Variants in NAGA observed in about 807,000 individuals in gnomAD.
NAGA encodes Acetylgalactosaminidase, alpha-N- (alpha-galactosidase B).
NAGA carries 42 observed loss-of-function variants against 45.6 expected under a neutral mutation model. That is an observed-to-expected ratio of 0.92 (90% CI 0.72 to 1.19). The LOEUF is 1.19. Among genes scored for constraint, NAGA ranks in the 50% most tolerant of loss-of-function variants. The pLI is 0.00. For synonymous variants in NAGA, 176 were observed against 203.1 expected, an observed-to-expected ratio of 0.87 and a Z score of 1.13; for missense variants, 493 against 544.8, an observed-to-expected ratio of 0.90 and a Z score of 0.95.
At chr22:42,061,212 A>G in intron 7 of NAGA, 145 bp from the exon 8 acceptor site, 1 of 1,016,116 alleles carries the variant, frequency 9.8e-7, no homozygotes, top group Non-Finnish European at 1.5e-6. Context: ...GGCCTCCAGC[A>G]CCCCAGCTTA....
Position 42,060,289 on chromosome 22 carries a change from G to T in NAGA, c.1226C>A (p.Ser409Tyr). ...YLYPIKNLEM[S>Y]QQ ...ACATGTCCCAGCTCCTCACTGCTGG[G>T]ACATCTCCAGGTTCTTGATGGGATA... The change falls in exon 9 of 9, where the codon TCC (serine) becomes TAC (tyrosine). Residue 409 changes from serine to tyrosine, a missense_variant. By Grantham distance (144) the Ser-to-Tyr change is moderately radical. Coordinates refer to ENST00000396398, the MANE Select transcript of NAGA (RefSeq NM_000262.3). 1 of 1,613,510 alleles carries T rather than the reference G, an allele frequency of 6.2e-7. No homozygotes were observed. Among genetic ancestry groups the T allele is most frequent in the Non-Finnish European group, 8.5e-7 (1 of 1,179,982 alleles).
intron 7 of NAGA, among the ~76,000 whole-genome samples, chr22:42,062,238 C>T (rs929044360): frequency 1.3e-5 from 2 of 152,120 alleles, no homozygotes; most frequent in African/African-American, 4.8e-5. Context: ...CTTTGGGAGG[C>T]TGATACGGGT....
At chr22:42,066,261 A>G (rs764108262) in intron 5 of NAGA, among the ~76,000 whole-genome samples, 23 of 152,118 alleles carry the variant, frequency 1.5e-4, no homozygotes, top group Non-Finnish European at 2.6e-4. Flanking sequence ...TCAGCTCCAG[A>G]GGCCTGAGCC....
chr22:42,060,803 C>T lies in NAGA; in HGVS notation c.1101+121G>A, dbSNP rs1926328521. The T allele has an allele frequency of 2.9e-6, 4 of 1,393,766 alleles. No individual in the cohort carries two copies. In the South Asian group the frequency reaches 4.7e-5, roughly 16 times the overall value. 86.3% of individuals were successfully genotyped at this position (1,393,766 alleles called of 1,614,324 possible). Reference sequence around the variant, plus strand: ...CAGTGCCTGCAGCTCCCCATGGGCACCTGCCAGAGGCCCTAAGCCCACGGC... The same window carrying T: ...CAGTGCCTGCAGCTCCCCATGGGCATCTGCCAGAGGCCCTAAGCCCACGGC... On this transcript the variant is annotated intron_variant, in intron 8 of 8. Coordinates refer to ENST00000396398, the MANE Select transcript of NAGA (RefSeq NM_000262.3).
In NAGA at chr22:42,058,563, G is replaced by A. The variant is rs982265912; in HGVS notation, c.*1716C>T. On this transcript the variant is annotated 3_prime_UTR_variant, in exon 9 of 9. Transcript: ENST00000396398. ...AAATGTCCTGGGAGATAGATGGCAT[G>A]TTTGTTGAAAGAATGAAGGGTGAAG... The A allele has an allele frequency of 6.6e-6, 1 of 152,198 alleles. No homozygotes were observed. The highest frequency in any genetic ancestry group is 1.5e-5 in the Non-Finnish European group (1 of 68,046). The allele number at this position is 152,198 out of a possible 1,614,324, so 9.4% of individuals were successfully genotyped here. A position where few individuals can be genotyped will look rare whatever the true frequency, so the allele number is the denominator to read the frequency against.
Position 42,068,530 on chromosome 22 carries a change from C to T in NAGA, c.61G>A (p.Gly21Arg). The stretch of plus-strand genomic sequence containing the variant: ...CCCATGGGTGGTGTCTGCAGGAGCC[C>T]ATTGTCCAGCATCAGCACCTGGGCC... ...HVAQVLMLDN[G>R]LLQTPPMGWL... The change falls in exon 2 of 9, where the codon GGG becomes AGG. Residue 21 changes from glycine to arginine, a missense_variant. Gly to Arg is a moderately radical substitution (Grantham distance 125). Coordinates refer to ENST00000396398, the MANE Select transcript of NAGA (RefSeq NM_000262.3). 6.2e-7 allele frequency: 1 copy of T among 1,614,162 alleles called. No individual in the cohort carries two copies. The highest frequency in any genetic ancestry group is 1.1e-5 in the South Asian group (1 of 91,092).
rs1035603895 is a variant in NAGA at position 42,062,922 on chromosome 22, T to C, written c.862A>G (p.Thr288Ala). The change falls in exon 7 of 9, where the codon ACC (threonine) becomes GCC (alanine). Residue 288 changes from threonine to alanine, a missense_variant. Physicochemically the swap from Thr to Ala is moderately conservative, Grantham distance 58. Coordinates refer to ENST00000396398, the MANE Select transcript of NAGA (RefSeq NM_000262.3). Reference sequence around the variant, plus strand: ...ATGTCCATGTTCTGGGCGGAGATGGTACGCAGGTCTGTGGACATCAAGAGG... The same window carrying C: ...ATGTCCATGTTCTGGGCGGAGATGGCACGCAGGTCTGTGGACATCAAGAGG... ...APLLMSTDLRTISAQNMDILQ... is the reference protein window; with the variant it reads ...APLLMSTDLRAISAQNMDILQ... 1.9e-6 allele frequency: 3 copies of C among 1,614,028 alleles called. No homozygotes were observed. The highest frequency in any genetic ancestry group is 2.7e-5 in the African/African-American group (2 of 74,890).
chr22:42,067,045 G>C, intron 4 of NAGA, 68 bp downstream of exon 4: 1 of 1,601,652 alleles, frequency 6.2e-7, no homozygotes, highest in Non-Finnish European at 8.5e-7. Flanking sequence ...AGCCAGGTGG[G>C]CGCTGGGTGG....
chr22:42,062,751 A>C, intron 7 of NAGA, 76 bp downstream of exon 7: 1 of 1,534,924 alleles, frequency 6.5e-7, no homozygotes, highest in Non-Finnish European at 9.0e-7. Context: ...TGTTGCCCCC[A>C]GGGAGGCTGG....
chr22:42,060,343 T>G lies in NAGA; in HGVS notation c.1172A>C (p.Asn391Thr), dbSNP rs752717782. The G allele has an allele frequency of 1.2e-6, 2 of 1,613,606 alleles. No homozygotes were observed. Among genetic ancestry groups the G allele is most frequent in the Admixed American group, 3.3e-5 (2 of 59,984 alleles). The change falls in exon 9 of 9, where the codon AAC becomes ACC. Residue 391 changes from asparagine (N) to threonine (T), a missense_variant. Coordinates refer to ENST00000396398, the MANE Select transcript of NAGA (RefSeq NM_000262.3). ...GTACCACATCACTACCCCTGAAGGG[T>G]TGATGATCACTGTGAAGTTGGTTTC... ...RDETNFTVII[N>T]PSGVVMWYLY...
chr22:42,061,236 G>T (rs1926368235), intron 7 of NAGA, among the ~76,000 whole-genome samples, 169 bp from the exon 8 acceptor site: 1 of 152,110 alleles, frequency 6.6e-6, no homozygotes, highest in Non-Finnish European at 1.5e-5. Flanking sequence ...AACCCTATCT[G>T]CCCACCTTCC....
rs760181400 is a variant in NAGA, at chr22:42,067,783, A to G, written c.306T>C (p.Ile102=). ...MPDPKRFPHG[I]PFLADYVHSL... is the part of the protein sequence containing the mutation. Reference sequence around the variant, plus strand: ...GGCTCACGTAGTCAGCCAGGAAAGGAATGCCATGAGGGAAGCGCTTGGGAT... The same window carrying G: ...GGCTCACGTAGTCAGCCAGGAAAGGGATGCCATGAGGGAAGCGCTTGGGAT... Residue 102 remains isoleucine, a synonymous_variant, in exon 3 of 9, where the codon ATT becomes ATC. Transcript: ENST00000396398. 6.2e-7 allele frequency: 1 copy of G among 1,612,534 alleles called. No individual in the cohort carries two copies. Among genetic ancestry groups the G allele is most frequent in the Admixed American group, 1.7e-5 (1 of 60,018 alleles).
intron 6 of NAGA, among the ~76,000 whole-genome samples, chr22:42,065,420 C>A (rs2146840956): frequency 6.6e-6 from 1 of 152,324 alleles, no homozygotes; most frequent in Non-Finnish European, 1.5e-5. Flanking sequence ...AGGTCGTGAT[C>A]TTCAACCTGC....
chr22:42,066,873 C>CT lies in NAGA; in HGVS notation c.503-70dup, dbSNP rs1926766269. On this transcript the variant is annotated intron_variant, in intron 4 of 8. Coordinates refer to ENST00000396398, the MANE Select transcript of NAGA (RefSeq NM_000262.3). The stretch of plus-strand genomic sequence containing the variant: ...GGCAGTCTGGGGCCTTAGCCCAGAC[C>CT]TTTTCCCAACAGATGTGAAGAAACA... 3 of 1,494,782 alleles carry CT rather than the reference C, an allele frequency of 2.0e-6. No homozygotes were observed. The African/African-American group carries it at 4.2e-5, about 21-fold the overall frequency. 92.6% of individuals were successfully genotyped at this position (1,494,782 alleles called of 1,614,324 possible).
Position 42,067,167 on chromosome 22 carries a change from C to T in NAGA, c.448G>A (p.Val150Ile). ...CAGCCATCCAGCTTGAGCATGTCTA[C>T]CTTCCACTCGGCGAAGGTCTGAGCA... is the stretch of plus-strand genomic sequence containing the variant. The part of the protein sequence containing the change: ...QDAQTFAEWK[V>I]DMLKLDGCFS... The change falls in exon 4 of 9, where the codon GTA becomes ATA. Residue 150 changes from valine to isoleucine, a missense_variant. Val to Ile is a conservative substitution (Grantham distance 29). Transcript: ENST00000396398. The T allele has an allele frequency of 1.2e-6, 2 of 1,614,172 alleles. No homozygotes were observed. Among genetic ancestry groups the T allele is most frequent in the South Asian group, 2.2e-5 (2 of 91,088 alleles).
rs1191188747 is a variant in NAGA, at chr22:42,058,939, T to C, written c.*1340A>G. The stretch of plus-strand genomic sequence containing the variant: ...AACTGGGGAAAGGAACTTTCTCTGG[T>C]GACCCTATACTTAACCAGTAAAGCT... On this transcript the variant is annotated 3_prime_UTR_variant, in exon 9 of 9. Transcript: ENST00000396398. 2 of 152,262 alleles carry C rather than the reference T, an allele frequency of 1.3e-5. No individual in the cohort carries two copies. Among genetic ancestry groups the C allele is most frequent in the African/African-American group, 4.8e-5 (2 of 41,462 alleles). The allele number at this position is 152,262 out of a possible 1,614,324, so 9.4% of individuals were successfully genotyped here. A position where few individuals can be genotyped will look rare whatever the true frequency, so the allele number is the denominator to read the frequency against.
At chr22:42,068,941 T>A (rs1273185530) in intron 1 of NAGA, among the ~76,000 whole-genome samples, 1 of 152,198 alleles carries the variant, frequency 6.6e-6, no homozygotes, top group Non-Finnish European at 1.5e-5. Flanking sequence ...GGAACTACGT[T>A]CTCATAAGCC....
At chr22:42,062,403 T>G (rs1926458788) in intron 7 of NAGA, among the ~76,000 whole-genome samples, 1 of 152,092 alleles carries the variant, frequency 6.6e-6, no homozygotes, top group African/African-American at 2.4e-5. Context: ...CAGGTAGAGA[T>G]TGCAGTGAGT....
intron 5 of NAGA, among the ~76,000 whole-genome samples, chr22:42,066,200 A>G (rs1837951314): frequency 6.7e-6 from 1 of 148,812 alleles, no homozygotes; most frequent in Non-Finnish European, 1.5e-5. Context: ...CCTCCCTGAC[A>G]CCCACCCACC....
Sources: allele counts gnomAD v4.1 joint callset (sites outside exome capture counted in the v4.1 genomes callset), GRCh38; gene constraint gnomAD v4.1.1; transcripts MANE v1.5; gene names NCBI Gene and HGNC (gene_info 2026-07-23, HGNC 2026-07-21).